Variants in ZNF322 observed in about 807,000 individuals in gnomAD.
ZNF322 encodes zinc finger protein 322.
Under a neutral mutation model 18.3 loss-of-function variants are expected in ZNF322, and 1 was observed. The observed-to-expected ratio is 0.05, with a 90% confidence interval of 0.02 to 0.26. The LOEUF (loss-of-function observed/expected upper bound fraction) is 0.26, where lower values mean the gene tolerates loss of function less well. Among genes scored for constraint, ZNF322 ranks in the 10% least tolerant of loss-of-function variants. The pLI, the probability that ZNF322 is intolerant of heterozygous loss-of-function variation, is 1.00. For synonymous variants in ZNF322, 17 were observed against 130.7 expected (o/e 0.13, Z 5.93); for missense variants, 36 against 403.6 (o/e 0.09, Z 7.80).
intron 1 of ZNF322, among the ~76,000 whole-genome samples, 164 bp downstream of exon 1, chr6:26,659,267 GTTCTCTTCTT>G (rs1554149948): frequency 2.5e-4 from 38 of 152,330 alleles, no homozygotes; most frequent in African/African-American, 8.7e-4. Flanking sequence ...CCGTACTAAG[GTTCTCTTCTT>G]TCAACTTTTC....
intron 2 of ZNF322, among the ~76,000 whole-genome samples, chr6:26,644,461 C>G (rs1554148547): frequency 6.6e-6 from 1 of 152,182 alleles, no homozygotes; most frequent in Admixed American, 6.5e-5. Flanking sequence ...ATTAAAATGA[C>G]ATGTTTTATG....
intron 2 of ZNF322, among the ~76,000 whole-genome samples, chr6:26,649,687 A>T (rs1480072395): frequency 3.9e-5 from 3 of 76,938 alleles, no homozygotes; most frequent in Non-Finnish European, 7.8e-5. Flanking sequence ...ATATATATAT[A>T]TATATATATA....
chr6:26,640,714 G>A (rs528141461), intron 3 of ZNF322, among the ~76,000 whole-genome samples: 4 of 152,242 alleles, frequency 2.6e-5, no homozygotes, highest in African/African-American at 9.6e-5. Context: ...CCAGCACTCA[G>A]AAAAGTGCCT....
chr6:26,641,344 G>C (rs1300471964), intron 3 of ZNF322, among the ~76,000 whole-genome samples: 1 of 152,128 alleles, frequency 6.6e-6, no homozygotes, highest in Non-Finnish European at 1.5e-5. Flanking sequence ...CACAAGAAAT[G>C]TAGTATTGTG....
intron 2 of ZNF322, among the ~76,000 whole-genome samples, chr6:26,653,530 T>C (rs1554149419): frequency 6.6e-6 from 1 of 152,206 alleles, no homozygotes; most frequent in Non-Finnish European, 1.5e-5. Flanking sequence ...TGGAGTACTA[T>C]GCAACTGTAA....
intron 3 of ZNF322, among the ~76,000 whole-genome samples, chr6:26,641,449 T>C (rs1215678931): frequency 6.6e-6 from 1 of 152,134 alleles, no homozygotes; most frequent in Non-Finnish European, 1.5e-5. Context: ...AAAACAGACA[T>C]GTTTATGCTA....
chr6:26,649,637 ATGTGTGTGTGTGTGTGTGTGTG>A (rs58521273), intron 2 of ZNF322, among the ~76,000 whole-genome samples: 2 of 67,606 alleles, frequency 3.0e-5, no homozygotes, highest in South Asian at 6.7e-4. Context: ...ATACATACAT[ATGTGTGTGTGTGTGTGTGTGTG>A]TGTGTGTGTG....
intron 3 of ZNF322, 124 bp from the exon 4 acceptor site, chr6:26,638,852 G>A (rs1190083098): frequency 1.1e-5 from 3 of 281,184 alleles, no homozygotes; most frequent in Non-Finnish European, 2.0e-5. Context: ...GGTTTTATAT[G>A]GCTTGAAATC....
chr6:26,659,408 A>T (rs1765842036), intron 1 of ZNF322, 33 bp downstream of exon 1: 1 of 167,160 alleles, frequency 6.0e-6, no homozygotes, highest in Non-Finnish European at 1.5e-5. Context: ...CCGCGCACCC[A>T]TCCCACCCCT....
chr6:26,651,248 C>CAAAAAA (rs34112793), intron 2 of ZNF322: 1 of 126,546 alleles, frequency 7.9e-6, no homozygotes, highest in Non-Finnish European at 1.7e-5. Flanking sequence ...CATTCACATG[C>CAAAAAA]AAAAAAAAAA....
chr6:26,642,331 G>A (rs191611580), intron 3 of ZNF322, among the ~76,000 whole-genome samples: 1 of 152,268 alleles, frequency 6.6e-6, no homozygotes, highest in Non-Finnish European at 1.5e-5. Flanking sequence ...TACCAGTGCT[G>A]GTGCAGGTCC....
chr6:26,647,252 T>C (rs1033214950), intron 2 of ZNF322, among the ~76,000 whole-genome samples: 7 of 151,820 alleles, frequency 4.6e-5, no homozygotes, highest in Admixed American at 1.3e-4. Context: ...CTGGACAACA[T>C]AGCAAGATCC....
At chr6:26,641,037 G>C (rs1765457970) in intron 3 of ZNF322, among the ~76,000 whole-genome samples, 1 of 152,104 alleles carries the variant, frequency 6.6e-6, no homozygotes, top group African/African-American at 2.4e-5. Context: ...CAAAACACAT[G>C]GTACTAACAT....
At chr6:26,649,673 GTGTATATATATATATATATA>G (rs1423838810) in intron 2 of ZNF322, among the ~76,000 whole-genome samples, 25 of 29,374 alleles carry the variant, frequency 8.5e-4, no homozygotes, top group African/African-American at 1.5e-3. Context: ...GTGTGTGTGT[GTGTATATATATATATATATA>G]TATATATATT....
chr6:26,642,610 GACT>G (rs1554148419), intron 3 of ZNF322, among the ~76,000 whole-genome samples: 1 of 152,090 alleles, frequency 6.6e-6, no homozygotes, highest in Admixed American at 6.5e-5. Flanking sequence ...GAACTCCTTA[GACT>G]ACAAGTCCAC....
intron 2 of ZNF322, among the ~76,000 whole-genome samples, chr6:26,654,464 T>C (rs1180285944): frequency 6.6e-6 from 1 of 152,228 alleles, no homozygotes; most frequent in South Asian, 2.1e-4. Flanking sequence ...AAGATAAGCC[T>C]GGACCATCCT....
intron 2 of ZNF322, among the ~76,000 whole-genome samples, chr6:26,653,098 A>G (rs1765702513): frequency 2.6e-5 from 4 of 152,354 alleles, no homozygotes; most frequent in African/African-American, 9.6e-5. Flanking sequence ...AAACAGACAC[A>G]CTCATATGTT....
At chr6:26,649,722 A>G (rs1765634376) in intron 2 of ZNF322, among the ~76,000 whole-genome samples, 2 of 18,632 alleles carry the variant, frequency 1.1e-4, no homozygotes, top group Non-Finnish European at 2.2e-4. Flanking sequence ...TTTTTTTTTG[A>G]GACTGAGTTT....
rs1561924977 is a variant in ZNF322, at chr6:26,649,699, A to ATTT, written c.-245-5972_-245-5971insAAA. On this transcript the variant is annotated intron_variant, in intron 2 of 3. Transcript: ENST00000415922. ...TGTATATATATATATATATATATAT[A>ATTT]TATTTTTTTTTTTTTTTTTTTGAGA... Among the ~76,000 whole-genome samples, 48 of 66,598 alleles carry ATTT rather than the reference A, an allele frequency of 7.2e-4. 2 individuals carry two copies. The highest frequency in any genetic ancestry group is 3.1e-3 in the African/African-American group (46 of 14,728). 43.7% of individuals were successfully genotyped at this position (66,598 alleles called of 152,430 possible).
Sources: allele counts gnomAD v4.1 joint callset (sites outside exome capture counted in the v4.1 genomes callset), GRCh38; gene constraint gnomAD v4.1.1; transcripts MANE v1.5; gene names NCBI Gene and HGNC (gene_info 2026-07-23, HGNC 2026-07-21).